Variants in ETV5 observed in about 807,000 individuals in gnomAD.
The protein encoded by ETV5 is ETS translocation variant 5.
In ETV5, 10 loss-of-function variants were observed where a neutral mutation model predicts 70.0. The ratio of observed to expected loss-of-function variants is 0.14; its 90% CI spans 0.09 to 0.24. ETV5 has a LOEUF of 0.24. ETV5 is among the 10% of genes least tolerant of loss of function. The pLI is 1.00. For synonymous variants in ETV5, 216 were observed against 242.2 expected, an observed-to-expected ratio of 0.89 and a Z score of 1.01; for missense variants, 453 against 651.2, an observed-to-expected ratio of 0.70 and a Z score of 3.31.
intron 9 of ETV5, among the ~76,000 whole-genome samples, chr3:186,062,755 A>C (rs1299841455): frequency 6.6e-6 from 1 of 152,208 alleles, no homozygotes; most frequent in Non-Finnish European, 1.5e-5. Context: ...TGAGTTAATG[A>C]CTATTGTTTA....
chr3:186,089,025 T>C (rs932200070), intron 5 of ETV5, among the ~76,000 whole-genome samples: 4 of 152,244 alleles, frequency 2.6e-5, no homozygotes, highest in African/African-American at 4.8e-5. Flanking sequence ...ATAAAATCTA[T>C]TATACCTCAA....
intron 5 of ETV5, among the ~76,000 whole-genome samples, chr3:186,092,157 T>G (rs749971955): frequency 1.3e-5 from 2 of 152,164 alleles, no homozygotes; most frequent in Non-Finnish European, 2.9e-5. Flanking sequence ...CTAAGTGTGG[T>G]GGCAGAAACA....
chr3:186,062,192 T>C (rs1018375779), intron 9 of ETV5, among the ~76,000 whole-genome samples: 12 of 152,312 alleles, frequency 7.9e-5, no homozygotes, highest in Admixed American at 7.2e-4. Context: ...TAGTGTAATG[T>C]TGGGTGCTAT....
chr3:186,077,084 G>A (rs1713813703), intron 7 of ETV5, among the ~76,000 whole-genome samples: 1 of 152,182 alleles, frequency 6.6e-6, no homozygotes, highest in South Asian at 2.1e-4. Flanking sequence ...GCTTTAGAAA[G>A]TCCTTTAACT....
At chr3:186,108,460 T>C in intron 1 of ETV5, 1 of 1,219,398 alleles carries the variant, frequency 8.2e-7, no homozygotes, top group Non-Finnish European at 1.1e-6. Context: ...CACTTGCCTG[T>C]GTCATTTACC....
intron 5 of ETV5, among the ~76,000 whole-genome samples, chr3:186,101,044 A>T (rs1025161501): frequency 6.6e-6 from 1 of 152,196 alleles, no homozygotes; most frequent in Non-Finnish European, 1.5e-5. Flanking sequence ...TTGAGTTCCA[A>T]TCTTATCCAT....
intron 7 of ETV5, among the ~76,000 whole-genome samples, chr3:186,069,520 T>TTTA (rs1553787495): frequency 2.3e-4 from 34 of 147,570 alleles, no homozygotes; most frequent in African/African-American, 8.3e-4. Flanking sequence ...TTTTTTTTTT[T>TTTA]AAAAAAAGTC....
At chr3:186,075,409 A>G (rs1342770147) in intron 7 of ETV5, among the ~76,000 whole-genome samples, 2 of 152,260 alleles carry the variant, frequency 1.3e-5, no homozygotes, top group African/African-American at 4.8e-5. Context: ...TCTGAAGGAC[A>G]AAAAATGAAT....
chr3:186,074,046 C>T (rs1000741904), intron 7 of ETV5, among the ~76,000 whole-genome samples: 1 of 151,600 alleles, frequency 6.6e-6, no homozygotes, highest in African/African-American at 2.4e-5. Context: ...ACAGAAAACA[C>T]CCGAGAGAGA....
intron 7 of ETV5, among the ~76,000 whole-genome samples, chr3:186,068,414 G>C (rs1310261399): frequency 6.6e-6 from 1 of 152,176 alleles, no homozygotes; most frequent in Non-Finnish European, 1.5e-5. Context: ...CCTATCTGTG[G>C]GGTGGTTATA....
chr3:186,085,400 C>T (rs1378581206), intron 5 of ETV5, among the ~76,000 whole-genome samples: 10 of 152,108 alleles, frequency 6.6e-5, no homozygotes, highest in African/African-American at 2.4e-4. Context: ...CCTAAATCCA[C>T]TCAAGGACTT....
chr3:186,106,873 C>T, intron 1 of ETV5: 1 of 879,324 alleles, frequency 1.1e-6, no homozygotes, highest in Non-Finnish European at 1.4e-6. Context: ...TACCATCTTC[C>T]TAAACACTTT....
rs561554291 is a variant in ETV5, at chr3:186,086,070, G to A, written c.233-4895C>T. ...TTGTCTTACTACCACCACTGAGGCA[G>A]GAAGATCTTGCGTGAGCTGTCTGGA... On this transcript the variant is annotated intron_variant, in intron 5 of 12. Coordinates refer to ENST00000306376, the MANE Select transcript of ETV5 (RefSeq NM_004454.3). 6.8e-4 allele frequency among the ~76,000 whole-genome samples: 103 copies of A among 152,282 alleles called. 1 individual carries two copies. Among genetic ancestry groups the A allele is most frequent in the Middle Eastern group, 3.4e-3 (1 of 294 alleles).
chr3:186,064,486 A>T lies in ETV5; in HGVS notation c.911-10T>A. The stretch of plus-strand genomic sequence containing the variant: ...TGGCAGTTAGGCACTTCTGAAAGGA[A>T]AGCAAAGGTGGACACAATCCTGTCA... On this transcript the variant is annotated splice_polypyrimidine_tract_variant and intron_variant, in intron 8 of 12. Coordinates refer to ENST00000306376, the MANE Select transcript of ETV5 (RefSeq NM_004454.3). 6.2e-7 allele frequency: 1 copy of T among 1,614,008 alleles called. No homozygotes were observed. Among genetic ancestry groups the T allele is most frequent in the Non-Finnish European group, 8.5e-7 (1 of 1,179,882 alleles).
At position 186,048,771 on chromosome 3, in the gene ETV5, C is replaced by A; in HGVS notation, c.1401G>T (p.Leu467=). The A allele has an allele frequency of 6.2e-7, 1 of 1,614,114 alleles. No individual in the cohort carries two copies. The highest frequency in any genetic ancestry group is 8.5e-7 in the Non-Finnish European group (1 of 1,180,030). The change falls in exon 13 of 13, where the codon CTG becomes CTT. Residue 467 remains leucine, a synonymous_variant. Transcript: ENST00000306376. The part of the protein sequence containing the change: ...MAFPDNQRPF[L]KAESECHLSE... ...TGAGGTGGCACTCGGACTCTGCCTT[C>A]AGGAACGGACGCTGGTTATCCGGGA...
intron 5 of ETV5, among the ~76,000 whole-genome samples, chr3:186,091,619 C>A (rs1714184725): frequency 6.6e-6 from 1 of 152,126 alleles, no homozygotes; most frequent in Non-Finnish European, 1.5e-5. Context: ...CTACAGTCAG[C>A]AGAAGAGAGG....
intron 5 of ETV5, among the ~76,000 whole-genome samples, chr3:186,098,385 G>A (rs1287696803): frequency 1.3e-5 from 2 of 152,152 alleles, no homozygotes; most frequent in Non-Finnish European, 2.9e-5. Context: ...ACTGCTGGTA[G>A]CTACATCGGG....
At chr3:186,103,498 C>T (rs1714512913) in intron 5 of ETV5, among the ~76,000 whole-genome samples, 1 of 152,148 alleles carries the variant, frequency 6.6e-6, no homozygotes, top group African/African-American at 2.4e-5. Flanking sequence ...AGAACCTCTG[C>T]CAAGAAAGCC....
At chr3:186,085,186 T>C (rs996114502) in intron 5 of ETV5, among the ~76,000 whole-genome samples, 2 of 152,288 alleles carry the variant, frequency 1.3e-5, no homozygotes, top group Non-Finnish European at 1.5e-5. Flanking sequence ...TTCCTACCTA[T>C]GCAGTTCTTA....
Sources: allele counts gnomAD v4.1 joint callset (sites outside exome capture counted in the v4.1 genomes callset), GRCh38; gene constraint gnomAD v4.1.1; transcripts MANE v1.5; gene names NCBI Gene and HGNC (gene_info 2026-07-23, HGNC 2026-07-21).